Variants in PDE10A observed in about 807,000 individuals in gnomAD.
PDE10A encodes the protein cAMP and cAMP-inhibited cGMP 3',5'-cyclic phosphodiesterase 10A.
Under a neutral mutation model 97.7 loss-of-function variants are expected in PDE10A, and 39 were observed. The ratio of observed to expected loss-of-function variants is 0.40; its 90% CI spans 0.31 to 0.52. The LOEUF is 0.52. Ranked by LOEUF, PDE10A falls within the 20% of genes least tolerant of loss-of-function variation. PDE10A has a pLI of 0.56. For missense variants in PDE10A, 731 were observed against 1,047.8 expected, an observed-to-expected ratio of 0.70 and a Z score of 4.17; for synonymous variants, 371 against 376.8, an observed-to-expected ratio of 0.98 and a Z score of 0.18.
At chr6:165,643,243 G>GTGGA (rs139921985) in intron 1 of PDE10A, among the ~76,000 whole-genome samples, 41 of 151,678 alleles carry the variant, frequency 2.7e-4, no homozygotes, top group Non-Finnish European at 3.5e-4. Context: ...GGGTGGGTGG[G>GTGGA]TGGATGGATG....
At chr6:165,556,464 G>A (rs1784261174) in intron 1 of PDE10A, among the ~76,000 whole-genome samples, 1 of 152,154 alleles carries the variant, frequency 6.6e-6, no homozygotes, top group African/African-American at 2.4e-5. Context: ...TAGTTCAAAT[G>A]GTTCTTGAGA....
At chr6:165,554,201 T>TACAATCAACAAAGTGAAGAG in intron 1 of PDE10A, among the ~76,000 whole-genome samples, 1 of 152,120 alleles carries the variant, frequency 6.6e-6, no homozygotes, top group Admixed American at 6.5e-5. Flanking sequence ...CAGTCAAGGA[T>TACAATCAACAAAGTGAAGAG]ACAATCAACA....
intron 1 of PDE10A, among the ~76,000 whole-genome samples, chr6:165,652,515 T>C (rs1175156568): frequency 6.6e-6 from 1 of 152,244 alleles, no homozygotes; most frequent in East Asian, 1.9e-4. Flanking sequence ...ACACTTTAGA[T>C]GTTTATTTCA....
chr6:165,933,612 G>A lies in PDE10A; in HGVS notation c.-615+53917C>T, dbSNP rs569941347. ...AAATTCATTTTCAAATATACATAAT[G>A]AAAGGCATTCCCCCTGAGGAAACTC... On this transcript the variant is annotated intron_variant, in intron 1 of 19. Transcript: ENST00000366882. 7.2e-5 allele frequency among the ~76,000 whole-genome samples: 11 copies of A among 152,290 alleles called. No individual in the cohort carries two copies. The South Asian group carries it at 2.3e-3, about 32-fold the overall frequency.
intron 1 of PDE10A, among the ~76,000 whole-genome samples, chr6:165,853,282 G>A (rs1214759360): frequency 6.6e-6 from 1 of 152,114 alleles, no homozygotes; most frequent in Non-Finnish European, 1.5e-5. Flanking sequence ...TGTTTGTTCT[G>A]GAAATATTCA....
chr6:165,416,158 C>A, intron 12 of PDE10A, 31 bp downstream of exon 12: 1 of 1,370,222 alleles, frequency 7.3e-7, no homozygotes, highest in South Asian at 1.2e-5. Context: ...CAGAAGAAAT[C>A]AATGGAGTGT....
At chr6:165,923,076 G>A (rs1225115595) in intron 1 of PDE10A, among the ~76,000 whole-genome samples, 1 of 152,208 alleles carries the variant, frequency 6.6e-6, no homozygotes, top group Non-Finnish European at 1.5e-5. Flanking sequence ...ACTCTAAGAT[G>A]GAGAAAGGAA....
chr6:165,903,657 G>A (rs1287230641), intron 1 of PDE10A, among the ~76,000 whole-genome samples: 3 of 152,160 alleles, frequency 2.0e-5, no homozygotes, highest in Admixed American at 6.5e-5. Flanking sequence ...ATAAAAGGTG[G>A]AGGTAACATT....
intron 1 of PDE10A, among the ~76,000 whole-genome samples, chr6:165,720,220 T>G (rs1792131556): frequency 6.6e-6 from 1 of 152,150 alleles, no homozygotes; most frequent in Non-Finnish European, 1.5e-5. Flanking sequence ...TGTATTTTGT[T>G]TTATGCATTT....
At chr6:165,800,797 G>A (rs572896848) in intron 1 of PDE10A, among the ~76,000 whole-genome samples, 3 of 152,330 alleles carry the variant, frequency 2.0e-5, no homozygotes, top group African/African-American at 7.2e-5. Context: ...GATTCTCCAC[G>A]TCTGAAGACT....
At position 165,349,386 on chromosome 6, in the gene PDE10A, G is replaced by A. The variant is rs144293022; in HGVS notation, c.2784-5884C>T. 3.2e-3 allele frequency among the ~76,000 whole-genome samples: 423 copies of A among 132,700 alleles called. 1 individual carries two copies. Among genetic ancestry groups the A allele is most frequent in the African/African-American group, 0.013 (400 of 31,220 alleles). The allele number at this position is 132,700 out of a possible 152,430, so 87.1% of individuals were successfully genotyped here. A position where few individuals can be genotyped will look rare whatever the true frequency, so the allele number is the denominator to read the frequency against. ...TCACTCTTGCTATGCAAAGAGACTG[G>A]TGGCATGTTGCCCCTGCCCTAGGAA... On this transcript the variant is annotated intron_variant, in intron 18 of 21. Coordinates refer to ENST00000539869, the MANE Select transcript of PDE10A (RefSeq NM_001385079.1).
chr6:165,734,971 T>C (rs1043531133), intron 1 of PDE10A, among the ~76,000 whole-genome samples: 1 of 151,612 alleles, frequency 6.6e-6, no homozygotes. Context: ...GATAGATAGA[T>C]AGATAGATAG....
chr6:165,645,582 G>C (rs1188570833), intron 1 of PDE10A, among the ~76,000 whole-genome samples: 1 of 152,064 alleles, frequency 6.6e-6, no homozygotes, highest in Non-Finnish European at 1.5e-5. Flanking sequence ...GGCTGGGCGC[G>C]GTGTCTCACG....
intron 1 of PDE10A, among the ~76,000 whole-genome samples, chr6:165,835,947 C>G (rs66520352): frequency 0.06 from 9,108 of 152,296 alleles, 376 homozygotes; most frequent in African/African-American, 0.12. Context: ...TGTCTCCCCT[C>G]TTTGGACAAG....
At chr6:165,440,641 TA>T (rs1372266155) in intron 5 of PDE10A, among the ~76,000 whole-genome samples, 2 of 152,070 alleles carry the variant, frequency 1.3e-5, no homozygotes, top group African/African-American at 4.8e-5. Flanking sequence ...ATGAAAAGAT[TA>T]GATTAAATAA....
At chr6:165,637,285 T>C (rs751859262) in intron 1 of PDE10A, among the ~76,000 whole-genome samples, 35 of 151,886 alleles carry the variant, frequency 2.3e-4, no homozygotes, top group Admixed American at 3.9e-4. Flanking sequence ...TAAAAAACAA[T>C]CAAAACAACC....
intron 1 of PDE10A, among the ~76,000 whole-genome samples, chr6:165,562,920 C>A (rs186270806): frequency 6.6e-4 from 101 of 152,052 alleles, no homozygotes; most frequent in Admixed American, 1.6e-3. Flanking sequence ...TGCGTAGAAG[C>A]CGGCGAGGTT....
intron 2 of PDE10A, among the ~76,000 whole-genome samples, chr6:165,539,855 G>A (rs1475728303): frequency 6.6e-6 from 1 of 152,120 alleles, no homozygotes; most frequent in Non-Finnish European, 1.5e-5. Flanking sequence ...TGAACCTTGA[G>A]GCGGAGGTTG....
At chr6:165,380,287 T>C (rs1784853641) in intron 17 of PDE10A, among the ~76,000 whole-genome samples, 1 of 152,198 alleles carries the variant, frequency 6.6e-6, no homozygotes, top group Non-Finnish European at 1.5e-5. Flanking sequence ...TCAATTAATT[T>C]CACTTTTCTT....
Sources: gnomAD v4.1 joint callset for allele counts (sites outside exome capture counted in the v4.1 genomes callset) on GRCh38, gnomAD v4.1.1 for gene constraint, MANE v1.5 for transcripts, NCBI Gene and HGNC (gene_info 2026-07-23, HGNC 2026-07-21) for gene names.